Variants in KCTD16 observed in about 807,000 individuals in gnomAD.
KCTD16 encodes the protein potassium channel tetramerization domain containing 16.
In KCTD16, 13 loss-of-function variants were observed where a neutral mutation model predicts 33.2. The ratio of observed to expected loss-of-function variants is 0.39; its 90% CI spans 0.25 to 0.62. The LOEUF (loss-of-function observed/expected upper bound fraction) is 0.62, where lower values mean the gene tolerates loss of function less well. Among genes scored for constraint, KCTD16 ranks in the 20% least tolerant of loss-of-function variants. KCTD16 has a pLI of 0.50. For synonymous variants in KCTD16, 197 were observed against 195.3 expected (o/e 1.01, Z -0.07); for missense variants, 441 against 525.1 (o/e 0.84, Z 1.57).
At chr5:144,459,361 T>C (rs1192500778) in intron 3 of KCTD16, among the ~76,000 whole-genome samples, 4 of 152,096 alleles carry the variant, frequency 2.6e-5, no homozygotes, top group Non-Finnish European at 5.9e-5. Context: ...AAGTTTCTTT[T>C]CTTTTTTTTT....
chr5:144,303,116 T>C (rs181772938), intron 3 of KCTD16, among the ~76,000 whole-genome samples: 1 of 152,342 alleles, frequency 6.6e-6, no homozygotes, highest in Non-Finnish European at 1.5e-5. Flanking sequence ...AGGCCTGTGG[T>C]TTGCTGGCCA....
rs536382297 is a variant in KCTD16 at position 144,392,940 on chromosome 5, C to T, written c.833-80720C>T. 5.4e-4 allele frequency among the ~76,000 whole-genome samples: 82 copies of T among 152,094 alleles called. 1 individual carries two copies. Among genetic ancestry groups the T allele is most frequent in the African/African-American group, 2.0e-3 (81 of 41,482 alleles). On this transcript the variant is annotated intron_variant, in intron 3 of 3. Coordinates refer to ENST00000512467, the MANE Select transcript of KCTD16 (RefSeq NM_020768.4). ...GGAGTACACCTTTGTTGTGTGCTGA[C>T]CACTGAAATTTTGAGGTTGTTTGTT...
Position 144,406,642 on chromosome 5 carries a change from G to A in KCTD16, c.833-67018G>A, listed in dbSNP as rs147928315. Among the ~76,000 whole-genome samples, 386 of 152,182 alleles carry A rather than the reference G, an allele frequency of 2.5e-3. 2 individuals are homozygous for A. The highest frequency in any genetic ancestry group is 4.5e-3 in the Non-Finnish European group (303 of 68,004). ...TTTACATCACATTTGTGAAAATAAC[G>A]AAGTTGGCACCTGCTTCACAAACCT... On this transcript the variant is annotated intron_variant, in intron 3 of 3. Transcript: ENST00000512467.
intron 3 of KCTD16, among the ~76,000 whole-genome samples, chr5:144,289,109 TTGG>T (rs1755827467): frequency 6.6e-6 from 1 of 152,188 alleles, no homozygotes; most frequent in Admixed American, 6.5e-5. Flanking sequence ...AGGCATTTCA[TTGG>T]TGTTTTCTTC....
chr5:144,205,200 C>T, intron 2 of KCTD16: 1 of 234,078 alleles, frequency 4.3e-6, no homozygotes, highest in Non-Finnish European at 8.2e-6. Context: ...GCGTCCCCGC[C>T]CCAAGCCCCG....
chr5:144,412,730 A>G (rs906160575), intron 3 of KCTD16, among the ~76,000 whole-genome samples: 1 of 152,076 alleles, frequency 6.6e-6, no homozygotes, highest in Non-Finnish European at 1.5e-5. Context: ...TACTAAAAAT[A>G]CAAAAATTAG....
At chr5:144,436,618 G>T (rs901547655) in intron 3 of KCTD16, among the ~76,000 whole-genome samples, 3 of 148,592 alleles carry the variant, frequency 2.0e-5, no homozygotes, top group Admixed American at 2.0e-4. Context: ...ACGGAGTATC[G>T]CTCTTGTCAC....
intron 3 of KCTD16, among the ~76,000 whole-genome samples, chr5:144,437,985 A>G (rs967738566): frequency 6.6e-6 from 1 of 152,222 alleles, no homozygotes; most frequent in African/African-American, 2.4e-5. Flanking sequence ...AGTAGATTTC[A>G]AAGACTTAGA....
At chr5:144,291,844 G>A (rs1755903688) in intron 3 of KCTD16, among the ~76,000 whole-genome samples, 1 of 152,146 alleles carries the variant, frequency 6.6e-6, no homozygotes, top group Non-Finnish European at 1.5e-5. Context: ...AATATTAGCA[G>A]TATCTTTGTT....
At chr5:144,422,991 C>G (rs1055108820) in intron 3 of KCTD16, among the ~76,000 whole-genome samples, 2 of 152,050 alleles carry the variant, frequency 1.3e-5, no homozygotes, top group African/African-American at 4.8e-5. Flanking sequence ...AATGAAGTAG[C>G]AACTAATCAT....
At position 144,476,909 on chromosome 5, in the gene KCTD16, C is replaced by T. The variant is rs542720002; in HGVS notation, c.*2795C>T. The T allele has an allele frequency of 8.6e-5, 13 of 152,010 alleles. No homozygotes were observed. The East Asian group carries it at 9.7e-4, about 11-fold the overall frequency. The allele number at this position is 152,010 out of a possible 1,614,324, so 9.4% of individuals were successfully genotyped here. A position where few individuals can be genotyped will look rare whatever the true frequency, so the allele number is the denominator to read the frequency against. Reference sequence around the variant, plus strand: ...AAAACAATATATATGGTTTACTTCTCGAACATTGGTTATGACAAGGGCCAT... The same window carrying T: ...AAAACAATATATATGGTTTACTTCTTGAACATTGGTTATGACAAGGGCCAT... On this transcript the variant is annotated 3_prime_UTR_variant, in exon 4 of 4. Transcript: ENST00000512467.
intron 3 of KCTD16, among the ~76,000 whole-genome samples, chr5:144,209,787 A>AT (rs1753308669): frequency 7.1e-6 from 1 of 141,072 alleles, no homozygotes; most frequent in African/African-American, 2.6e-5. Context: ...CTTAGGGGGA[A>AT]ATATATATAT....
intron 2 of KCTD16, chr5:144,205,371 T>C (rs1025559863): frequency 2.5e-6 from 1 of 396,568 alleles, no homozygotes; most frequent in Non-Finnish European, 4.4e-6. Context: ...GTTTCTTGCC[T>C]GCACTGCTGA....
chr5:144,276,150 CCT>C lies in KCTD16; in HGVS notation c.832+68605_832+68606del, dbSNP rs1475984437. 4.6e-5 allele frequency among the ~76,000 whole-genome samples: 7 copies of C among 152,098 alleles called. 1 individual carries two copies. On this transcript the variant is annotated intron_variant, in intron 3 of 3. Coordinates refer to ENST00000512467, the MANE Select transcript of KCTD16 (RefSeq NM_020768.4). ...CCTTCTCTTCTCCCCAAAGTAAATC[CCT>C]GTTATGAATTTGGTATGTATCATTG...
chr5:144,229,398 G>A (rs1754030561), intron 3 of KCTD16, among the ~76,000 whole-genome samples: 1 of 152,134 alleles, frequency 6.6e-6, no homozygotes, highest in Admixed American at 6.5e-5. Flanking sequence ...AGTGTTGTTT[G>A]AAGTTGAGCT....
intron 3 of KCTD16, 45 bp from the exon 4 acceptor site, chr5:144,473,615 G>T (rs1754527087): frequency 6.6e-7 from 1 of 1,523,494 alleles, no homozygotes; most frequent in South Asian, 1.2e-5. Flanking sequence ...TACTCCAACT[G>T]ACCTGGCTGG....
At chr5:144,268,897 A>T (rs1351357317) in intron 3 of KCTD16, among the ~76,000 whole-genome samples, 1 of 152,190 alleles carries the variant, frequency 6.6e-6, no homozygotes, top group Non-Finnish European at 1.5e-5. Context: ...GATAAGACTT[A>T]AAAAGAAACC....
intron 1 of KCTD16, among the ~76,000 whole-genome samples, chr5:144,174,035 A>T (rs1752449469): frequency 6.6e-6 from 1 of 152,072 alleles, no homozygotes; most frequent in African/African-American, 2.4e-5. Context: ...TAGGAGTAGA[A>T]AGCCTCACCC....
intron 3 of KCTD16, among the ~76,000 whole-genome samples, chr5:144,460,547 T>C (rs537007060): frequency 2.6e-5 from 4 of 152,330 alleles, no homozygotes; most frequent in Admixed American, 6.5e-5. Flanking sequence ...GTTCAGGTGA[T>C]TCTTGTGCCT....
Sources: allele counts gnomAD v4.1 joint callset (sites outside exome capture counted in the v4.1 genomes callset), GRCh38; gene constraint gnomAD v4.1.1; transcripts MANE v1.5; gene names NCBI Gene and HGNC (gene_info 2026-07-23, HGNC 2026-07-21).